The following A2ML1 variants were observed in gnomAD, a reference collection of about 807,000 sequenced individuals.
The protein encoded by A2ML1 is alpha-2-macroglobulin like 1.
Under a neutral mutation model 181.9 loss-of-function variants are expected in A2ML1, and 161 were observed. That is an observed-to-expected ratio of 0.89 (90% confidence interval 0.78 to 1.01). The LOEUF (loss-of-function observed/expected upper bound fraction) is 1.01. A2ML1 is among the 50% of genes least tolerant of loss of function. The probability of loss-of-function intolerance (pLI) is 0.00; values close to 1 mark genes in which losing one functional copy is unlikely to be tolerated. For missense variants in A2ML1, 1,670 were observed against 1,768.1 expected (o/e 0.94, Z 1.00); for synonymous variants, 663 against 666.8 (o/e 0.99, Z 0.09).
At chr12:8,845,072 TAA>T in intron 12 of A2ML1, 1 of 1,434,936 alleles carries the variant, frequency 7.0e-7, no homozygotes, top group East Asian at 2.5e-5. Context: ...GAGCTGTAAT[TAA>T]AAAACACTTA....
chr12:8,822,999 C>T (rs763187510), intron 1 of A2ML1, among the ~76,000 whole-genome samples, 183 bp from the exon 2 acceptor site: 7 of 152,242 alleles, frequency 4.6e-5, no homozygotes, highest in South Asian at 2.1e-4. Flanking sequence ...CTCCTGATGG[C>T]GGAAGTTGAA....
chr12:8,871,360 T>C (rs1283876978), intron 33 of A2ML1, among the ~76,000 whole-genome samples: 1 of 152,238 alleles, frequency 6.6e-6, no homozygotes, highest in African/African-American at 2.4e-5. Context: ...TCTAGAAGTC[T>C]GAGATCATTA....
chr12:8,863,645 A>G (rs746022980), intron 28 of A2ML1, 149 bp from the exon 29 acceptor site: 29 of 671,324 alleles, frequency 4.3e-5, no homozygotes, highest in South Asian at 4.3e-4. Flanking sequence ...ATCAAGGTCA[A>G]TTAATCAGCT....
intron 10 of A2ML1, among the ~76,000 whole-genome samples, chr12:8,839,873 G>A (rs1470209508): frequency 2.6e-5 from 4 of 152,042 alleles, no homozygotes; most frequent in African/African-American, 9.7e-5. Flanking sequence ...TCAGCCTCCT[G>A]AGTAGCTGGG....
intron 3 of A2ML1, among the ~76,000 whole-genome samples, chr12:8,828,519 C>A (rs1057039300): frequency 6.6e-6 from 1 of 152,262 alleles, no homozygotes; most frequent in South Asian, 2.1e-4. Flanking sequence ...CTCTGACAAA[C>A]AGCAGGTCCA....
intron 3 of A2ML1, among the ~76,000 whole-genome samples, chr12:8,826,107 T>C (rs926246072): frequency 6.6e-6 from 1 of 152,208 alleles, no homozygotes; most frequent in African/African-American, 2.4e-5. Flanking sequence ...TTATGATTTT[T>C]TTTACAAAAG....
rs1272052305 is a variant in A2ML1, at chr12:8,865,025, G to T, written c.3717+1017G>T. 1.4e-4 allele frequency among the ~76,000 whole-genome samples: 2 copies of T among 14,814 alleles called. 1 individual carries two copies. The highest frequency in any genetic ancestry group is 1.4e-4 in the African/African-American group (2 of 13,916). 9.7% of individuals were successfully genotyped at this position (14,814 alleles called of 152,430 possible). ...ACTAAAATACAAAAATTAGCTGGAT[G>T]TGGCCCCATCTCTACTAAAGATACA... On this transcript the variant is annotated intron_variant, in intron 29 of 35. Coordinates refer to ENST00000299698, the MANE Select transcript of A2ML1 (RefSeq NM_144670.6).
In A2ML1 at chr12:8,874,503, A is replaced by C; in HGVS notation, c.4300A>C (p.Lys1434Gln). Residue 1434 changes from lysine (K) to glutamine (Q), a missense_variant, in exon 34 of 36, where the codon AAG becomes CAG. Transcript: ENST00000299698. Reference protein sequence around the residue: ...LVTNLKPATIKVYDYYLPDEQ... With the variant: ...LVTNLKPATIQVYDYYLPDEQ... ...CACCAACTTGAAACCAGCAACCATC[A>C]AGGTCTATGACTACTACCTACCAGG... 2 of 1,613,950 alleles carry C rather than the reference A, an allele frequency of 1.2e-6. No homozygotes were observed. Among genetic ancestry groups the C allele is most frequent in the East Asian group, 2.2e-5 (1 of 44,876 alleles).
rs369875339 is a variant in A2ML1, at chr12:8,845,864, AT to A, written c.1538-212del. Among the ~76,000 whole-genome samples the A allele has an allele frequency of 0.28, 15,905 of 56,260 alleles. 1,315 individuals carry two copies. The highest frequency in any genetic ancestry group is 0.32 in the Non-Finnish European group (10,587 of 33,016). 36.9% of individuals were successfully genotyped at this position (56,260 alleles called of 152,430 possible). A position where few individuals can be genotyped will look rare whatever the true frequency, so the allele number is the denominator to read the frequency against. On this transcript the variant is annotated intron_variant, in intron 13 of 35. Transcript: ENST00000299698. ...GACTCCGTCTCAAAAAAAAAAAAAA[AT>A]AAATAAAATAAAATAAAATAAAATA...
intron 1 of A2ML1, 36 bp downstream of exon 1, chr12:8,822,749 A>G: frequency 6.2e-7 from 1 of 1,603,178 alleles, no homozygotes; most frequent in Non-Finnish European, 8.5e-7. Flanking sequence ...TTATTAGGGC[A>G]GCGGCTTCTT....
chr12:8,845,940 C>T, intron 13 of A2ML1, 137 bp from the exon 14 acceptor site: 2 of 770,596 alleles, frequency 2.6e-6, no homozygotes, highest in Non-Finnish European at 4.0e-6. Context: ...TAACAGTTAT[C>T]ACAGGAGAAG....
rs1019981277 is a variant in A2ML1, at chr12:8,823,593, TTA to T, written c.247-125_247-124del. ...TAATTCTTCCTCGTGGTAATTTGTT[TTA>T]TGTCTCTATCCTTGCTACCCCCATC... On this transcript the variant is annotated intron_variant, in intron 2 of 35. Transcript: ENST00000299698. The T allele has an allele frequency of 5.1e-6, 6 of 1,181,224 alleles. No homozygotes were observed. In the African/African-American group the frequency reaches 9.2e-5, roughly 18 times the overall value. 73.2% of individuals were successfully genotyped at this position (1,181,224 alleles called of 1,614,324 possible). A position where few individuals can be genotyped will look rare whatever the true frequency, so the allele number is the denominator to read the frequency against.
chr12:8,833,749 A>G (rs1021331562), intron 4 of A2ML1, among the ~76,000 whole-genome samples: 1 of 152,104 alleles, frequency 6.6e-6, no homozygotes, highest in African/African-American at 2.4e-5. Context: ...AATTTATAGC[A>G]ATCTTAGTGA....
At chr12:8,884,231 G>GTT (rs796251871) in intron 7 of A2ML1, among the ~76,000 whole-genome samples, 12 of 121,576 alleles carry the variant, frequency 9.9e-5, no homozygotes, top group African/African-American at 3.2e-4. Context: ...TTTATTTTTT[G>GTT]TTTTTTTTTG....
At chr12:8,835,107 A>AT (rs929717744) in intron 5 of A2ML1, among the ~76,000 whole-genome samples, 1 of 152,194 alleles carries the variant, frequency 6.6e-6, no homozygotes. Flanking sequence ...TATCTTCTCC[A>AT]TTTTTCCATT....
At position 8,837,575 on chromosome 12, in the gene A2ML1, A is replaced by G. The variant is rs200524501; in HGVS notation, c.855+9A>G. 422 of 1,609,470 alleles carry G rather than the reference A, an allele frequency of 2.6e-4. 2 individuals carry two copies. Among genetic ancestry groups the G allele is most frequent in the Middle Eastern group, 6.7e-4 (4 of 5,954 alleles). On this transcript the variant is annotated intron_variant, in intron 8 of 35. Transcript: ENST00000299698. Reference sequence around the variant, plus strand: ...GGAACCTCTCTGGACAGGTGAGTAAATGACAGGTTAAAAAGGAACCTATCG... The same window carrying G: ...GGAACCTCTCTGGACAGGTGAGTAAGTGACAGGTTAAAAAGGAACCTATCG...
At position 8,823,761 on chromosome 12, in the gene A2ML1, C is replaced by A. The variant is rs929958326; in HGVS notation, c.288C>A (p.Ile96=). The change falls in exon 3 of 36, where the codon ATC becomes ATA. Residue 96 remains isoleucine (I), a synonymous_variant. Transcript: ENST00000299698. The part of the protein sequence containing the change: ...PAGGTEEVAT[I]RVSGVGNNIS... ...GTGGCACAGAAGAAGTGGCCACAAT[C>A]CGGGTGTCGGGAGTTGGAAATAACA... The A allele has an allele frequency of 6.8e-6, 11 of 1,613,932 alleles. No homozygotes were observed. Among genetic ancestry groups the A allele is most frequent in the Non-Finnish European group, 9.3e-6 (11 of 1,180,026 alleles).
chr12:8,859,155 G>A (rs886630311), intron 26 of A2ML1, among the ~76,000 whole-genome samples: 7 of 151,780 alleles, frequency 4.6e-5, no homozygotes, highest in Non-Finnish European at 1.0e-4. Flanking sequence ...CCTGTCCCAA[G>A]CAGAGGGCGA....
chr12:8,842,322 A>G (rs1943510231), intron 11 of A2ML1, among the ~76,000 whole-genome samples: 2 of 149,956 alleles, frequency 1.3e-5, no homozygotes, highest in South Asian at 2.1e-4. Flanking sequence ...GGTTCACGCC[A>G]TTCTCCTGCC....
Sources: allele counts gnomAD v4.1 joint callset (sites outside exome capture counted in the v4.1 genomes callset), GRCh38; gene constraint gnomAD v4.1.1; transcripts MANE v1.5; gene names NCBI Gene and HGNC (gene_info 2026-07-23, HGNC 2026-07-21).